Variants in ARHGEF7 observed in about 807,000 individuals in gnomAD.
The protein encoded by ARHGEF7 is PAK-interacting exchange factor beta.
In ARHGEF7, 33 loss-of-function variants were observed where a neutral mutation model predicts 109.8. That is an observed-to-expected ratio of 0.30 (90% CI 0.23 to 0.40). ARHGEF7 has a LOEUF of 0.40. Ranked by LOEUF, ARHGEF7 falls within the 10% of genes least tolerant of loss-of-function variation. The probability of loss-of-function intolerance (pLI) is 1.00; values close to 1 mark genes in which losing one functional copy is unlikely to be tolerated. For missense variants in ARHGEF7, 938 were observed against 1,098.5 expected (o/e 0.85, Z 2.07); for synonymous variants, 458 against 424.6 (o/e 1.08, Z -0.97).
intron 3 of ARHGEF7, among the ~76,000 whole-genome samples, chr13:111,208,544 G>C (rs760934467): frequency 6.6e-6 from 1 of 152,158 alleles, no homozygotes; most frequent in African/African-American, 2.4e-5. Context: ...GGGAAGTACA[G>C]AATGTCTTCA....
rs571935866 is a variant in ARHGEF7 at position 111,239,631 on chromosome 13, C to T, written c.760-4241C>T. Among the ~76,000 whole-genome samples, 24 of 152,054 alleles carry T rather than the reference C, an allele frequency of 1.6e-4. No homozygotes were observed. The highest frequency in any genetic ancestry group is 3.9e-4 in the Admixed American group (6 of 15,274). On this transcript the variant is annotated intron_variant, in intron 6 of 21. Transcript: ENST00000646102. The surrounding 1 kb of genome is among the most constrained non-coding windows in gnomAD (Gnocchi z 4.3). ...ACTCCTGAAGTCTCTGCTTGGGGCCCGTAGGTGGAGATGGTTAATGATGAG... is the reference window on the plus strand; with the variant it reads ...ACTCCTGAAGTCTCTGCTTGGGGCCTGTAGGTGGAGATGGTTAATGATGAG...
Position 111,299,373 on chromosome 13 carries a change from C to T in ARHGEF7, c.2312-1375C>T, listed in dbSNP as rs561948541. ...TTTTTTTTTTTTTGAGACGGAGTCT[C>T]GCTCTGTCGCCCAGGCTGGAGTGCA... is the stretch of plus-strand genomic sequence containing the variant. On this transcript the variant is annotated intron_variant, in intron 19 of 21. Transcript: ENST00000646102. 7.8e-5 allele frequency among the ~76,000 whole-genome samples: 10 copies of T among 127,700 alleles called. No homozygotes were observed. The South Asian group carries it at 1.5e-3, about 19-fold the overall frequency. The allele number at this position is 127,700 out of a possible 152,430, so 83.8% of individuals were successfully genotyped here. A position where few individuals can be genotyped will look rare whatever the true frequency, so the allele number is the denominator to read the frequency against.
intron 9 of ARHGEF7, among the ~76,000 whole-genome samples, chr13:111,270,001 G>T (rs1288212928): frequency 6.6e-6 from 1 of 152,234 alleles, no homozygotes; most frequent in Non-Finnish European, 1.5e-5. Flanking sequence ...TTCAAGTGCA[G>T]TGGGTTGAAG....
Position 111,229,369 on chromosome 13 carries a change from A to G in ARHGEF7, c.671-3836A>G, listed in dbSNP as rs151174401. Among the ~76,000 whole-genome samples the G allele has an allele frequency of 3.6e-4, 55 of 152,246 alleles. No individual in the cohort carries two copies. In the East Asian group the frequency reaches 0.01, roughly 28 times the overall value. ...TATCTATTCCTCTGCCTGTCAGTTC[A>G]TTAATTCCCTCCTCACGGTGATACT... On this transcript the variant is annotated intron_variant, in intron 5 of 21. Coordinates refer to ENST00000646102, the MANE Select transcript of ARHGEF7 (RefSeq NM_001354046.2).
intron 3 of ARHGEF7, among the ~76,000 whole-genome samples, chr13:111,207,258 T>C (rs2082005305): frequency 6.6e-6 from 1 of 152,188 alleles, no homozygotes; most frequent in African/African-American, 2.4e-5. Context: ...AGCCTCAGCC[T>C]CCTGGGCTCA....
intron 13 of ARHGEF7, among the ~76,000 whole-genome samples, chr13:111,279,332 G>A (rs2153604753): frequency 6.6e-6 from 1 of 152,296 alleles, no homozygotes; most frequent in African/African-American, 2.4e-5. Flanking sequence ...GGGGCTGGGG[G>A]TCTCGGTGAG....
intron 2 of ARHGEF7, among the ~76,000 whole-genome samples, chr13:111,177,621 A>G (rs150538117): frequency 1.3e-3 from 191 of 152,292 alleles, no homozygotes; most frequent in Middle Eastern, 3.4e-3. Context: ...CCCCGGTGCC[A>G]CTTGTCTGGA....
At chr13:111,297,665 A>T (rs1185561242) in intron 19 of ARHGEF7, among the ~76,000 whole-genome samples, 1 of 152,256 alleles carries the variant, frequency 6.6e-6, no homozygotes, top group African/African-American at 2.4e-5. Flanking sequence ...AGGTTAACTG[A>T]AAAGACTCAC....
rs766527411 is a variant in ARHGEF7, at chr13:111,228,210, C to T, written c.671-4995C>T. On this transcript the variant is annotated intron_variant, in intron 5 of 21. Transcript: ENST00000646102. The surrounding 1 kb of genome is among the most constrained non-coding windows in gnomAD (Gnocchi z 4.6). Reference sequence around the variant, plus strand: ...AGTGGCACAGCAGCCAGATGTGCTGCGCAGACTTCATTTGGTTCCTGATTC... The same window carrying T: ...AGTGGCACAGCAGCCAGATGTGCTGTGCAGACTTCATTTGGTTCCTGATTC... Among the ~76,000 whole-genome samples the T allele has an allele frequency of 2.6e-5, 4 of 152,194 alleles. No homozygotes were observed. The highest frequency in any genetic ancestry group is 2.1e-4 in the South Asian group (1 of 4,830).
chr13:111,202,398 C>G (rs2081307181), intron 2 of ARHGEF7, among the ~76,000 whole-genome samples: 2 of 152,162 alleles, frequency 1.3e-5, no homozygotes, highest in Admixed American at 6.5e-5. Flanking sequence ...AGTATCCTGC[C>G]CTTTTACAGC....
At chr13:111,232,090 C>G (rs190661798) in intron 5 of ARHGEF7, among the ~76,000 whole-genome samples, 1 of 151,970 alleles carries the variant, frequency 6.6e-6, no homozygotes, top group Admixed American at 6.6e-5. Flanking sequence ...CTGCCCACCC[C>G]CTAGAACTGT....
chr13:111,280,583 A>C lies in ARHGEF7; in HGVS notation c.1631A>C (p.Asp544Ala), dbSNP rs1193088276. The change falls in exon 15 of 22, where the codon GAT (aspartate) becomes GCT (alanine). Residue 544 changes from aspartate to alanine, a missense_variant. Around this residue, in one of 4 missense-constraint regions of ARHGEF7, gnomAD observed 585 missense variants for 723.6 expected, o/e 0.81. Coordinates refer to ENST00000646102, the MANE Select transcript of ARHGEF7 (RefSeq NM_001354046.2). ...TTAGTGTCGTGCAACAACCAGCAGG[A>C]TCTGCAGGAATGGGTGGAGCACCTA... is the stretch of plus-strand genomic sequence containing the variant. ...RILVSCNNQQ[D>A]LQEWVEHLQK... 6.2e-7 allele frequency: 1 copy of C among 1,612,598 alleles called. No homozygotes were observed. Among genetic ancestry groups the C allele is most frequent in the Non-Finnish European group, 8.5e-7 (1 of 1,179,516 alleles).
At chr13:111,171,063 T>C (rs1043214823) in intron 2 of ARHGEF7, among the ~76,000 whole-genome samples, 7 of 152,258 alleles carry the variant, frequency 4.6e-5, no homozygotes, top group Admixed American at 2.0e-4. Context: ...TTAAAATTAT[T>C]GTTTGAAATC....
At chr13:111,226,736 A>T (rs1196406079) in intron 5 of ARHGEF7, among the ~76,000 whole-genome samples, 1 of 152,210 alleles carries the variant, frequency 6.6e-6, no homozygotes, top group Non-Finnish European at 1.5e-5. Context: ...CTCATGGGTC[A>T]AGGATTAATT....
intron 19 of ARHGEF7, chr13:111,293,258 C>T: frequency 1.0e-6 from 1 of 985,348 alleles, no homozygotes; most frequent in Non-Finnish European, 1.2e-6. Context: ...GGCTCCCCAC[C>T]CCTGACATCC....
At chr13:111,276,959 C>A (rs983554028) in intron 12 of ARHGEF7, among the ~76,000 whole-genome samples, 4 of 152,062 alleles carry the variant, frequency 2.6e-5, no homozygotes, top group African/African-American at 4.8e-5. Context: ...CTTACTGAAG[C>A]AAATGATTTT....
At chr13:111,206,982 G>GA (rs1229986042) in intron 3 of ARHGEF7, among the ~76,000 whole-genome samples, 39 of 128,728 alleles carry the variant, frequency 3.0e-4, no homozygotes, top group African/African-American at 9.7e-4. Flanking sequence ...AAAAGAAAAA[G>GA]AAAAAAAAAG....
Position 111,266,676 on chromosome 13 carries a change from G to A in ARHGEF7, c.951-872G>A, listed in dbSNP as rs993260617. 1 of 392,436 alleles carries A rather than the reference G, an allele frequency of 2.5e-6. No homozygotes were observed. Among genetic ancestry groups the A allele is most frequent in the Non-Finnish European group, 5.3e-6 (1 of 189,962 alleles). The allele number at this position is 392,436 out of a possible 1,614,324, so 24.3% of individuals were successfully genotyped here. On this transcript the variant is annotated intron_variant, in intron 8 of 21. Coordinates refer to ENST00000646102, the MANE Select transcript of ARHGEF7 (RefSeq NM_001354046.2). This position sits in a 1 kb window ranked among gnomAD's most constrained non-coding sequence, Gnocchi z 4.8. ...CTCTTGTTTTCTGTAGGAATCCCTG[G>A]TGTTCATGTTTTTGGTCACTTTTTC...
chr13:111,157,996 T>C (rs2076470371), intron 2 of ARHGEF7, among the ~76,000 whole-genome samples: 1 of 152,364 alleles, frequency 6.6e-6, no homozygotes, highest in East Asian at 1.9e-4. Context: ...TTTACCAGTT[T>C]TTTATTTCAA....
Sources: gnomAD v4.1 joint callset for allele counts (sites outside exome capture counted in the v4.1 genomes callset) on GRCh38, gnomAD v4.1.1 for gene constraint, gnomAD v4.1.1 regional missense constraint, Gnocchi (gnomAD v3.1) non-coding constraint, MANE v1.5 for transcripts, NCBI Gene and HGNC (gene_info 2026-07-23, HGNC 2026-07-21) for gene names.